RHOF: variants seen among roughly 807,000 people sequenced by gnomAD.
RHOF encodes rho-related GTP-binding protein RhoF.
A neutral mutation model predicts 22.2 loss-of-function variants in RHOF; 21 were observed. The observed-to-expected ratio is 0.95, with a 90% CI of 0.67 to 1.36. The LOEUF (loss-of-function observed/expected upper bound fraction) is 1.36, where lower values mean the gene tolerates loss of function less well. Among genes scored for constraint, RHOF ranks in the 40% most tolerant of loss-of-function variants. The probability of loss-of-function intolerance (pLI) is 0.00; values close to 1 mark genes in which losing one functional copy is unlikely to be tolerated. For missense variants in RHOF, 285 were observed against 293.7 expected (o/e 0.97, Z 0.22); for synonymous variants, 135 against 131.2 (o/e 1.03, Z -0.20).
chr12:121,781,467 T>C, intron 2 of RHOF: 1 of 393,574 alleles, frequency 2.5e-6, no homozygotes, highest in Non-Finnish European at 4.7e-6. Context: ...CGAGACCCTG[T>C]CTCTTAACAA....
intron 2 of RHOF, among the ~76,000 whole-genome samples, chr12:121,783,344 A>G (rs573014730): frequency 3.1e-5 from 4 of 128,708 alleles, no homozygotes; most frequent in East Asian, 2.4e-4. Flanking sequence ...TCTTTGAGAC[A>G]AGAGTCTCGC....
At chr12:121,790,285 C>T (rs893879727) in intron 2 of RHOF, among the ~76,000 whole-genome samples, 3 of 152,258 alleles carry the variant, frequency 2.0e-5, no homozygotes, top group Non-Finnish European at 2.9e-5. Flanking sequence ...GGCCACCAGT[C>T]GGGAAGATGC....
chr12:121,790,020 G>A (rs1392618315), intron 2 of RHOF, among the ~76,000 whole-genome samples: 4 of 152,220 alleles, frequency 2.6e-5, no homozygotes, highest in African/African-American at 9.6e-5. Flanking sequence ...GGATGTCAGG[G>A]CCCCGGTGAG....
intron 4 of RHOF, chr12:121,780,466 T>C (rs955741525): frequency 5.3e-5 from 17 of 321,878 alleles, no homozygotes; most frequent in South Asian, 3.9e-4. Flanking sequence ...GCACGGTCAA[T>C]TGGCCCGTGA....
chr12:121,784,711 A>T lies in RHOF; in HGVS notation c.227-3519T>A, dbSNP rs561811200. Among the ~76,000 whole-genome samples the T allele has an allele frequency of 2.6e-4, 40 of 152,294 alleles. No individual in the cohort carries two copies. The Middle Eastern group carries it at 0.01, about 39-fold the overall frequency. On this transcript the variant is annotated intron_variant, in intron 2 of 4. Transcript: ENST00000267205. The stretch of plus-strand genomic sequence containing the variant: ...GCCAGGAGTCAACCCCAGCTCATGA[A>T]ATTCCAAGTGGGATGTTCCTTCTGC...
intron 2 of RHOF, among the ~76,000 whole-genome samples, chr12:121,790,435 G>A (rs76749234): frequency 0.018 from 2,782 of 152,342 alleles, 108 homozygotes; most frequent in African/African-American, 0.063. Context: ...ATGGCTTTCT[G>A]TCCTGTTCTC....
chr12:121,789,737 T>C (rs1485013563), intron 2 of RHOF, among the ~76,000 whole-genome samples: 3 of 152,204 alleles, frequency 2.0e-5, no homozygotes, highest in African/African-American at 7.2e-5. Flanking sequence ...CCTCCGGTGC[T>C]TCTGGGGCTC....
intron 4 of RHOF, chr12:121,780,337 C>T (rs1475570735): frequency 1.9e-5 from 3 of 161,916 alleles, no homozygotes; most frequent in South Asian, 1.8e-4. Flanking sequence ...GGATTACAGG[C>T]GTGAGCCACT....
In RHOF at chr12:121,793,190, C is replaced by T; in HGVS notation, c.188G>A (p.Gly63Asp). ...FEKYTASVTV[G>D]SKEVTLNLYD... is the part of the protein sequence containing the mutation. Reference sequence around the variant, plus strand: ...GAGGTTCAGGGTCACCTCCTTGCTGCCAACGGTCACGCTGGCCGTGTACTT... The same window carrying T: ...GAGGTTCAGGGTCACCTCCTTGCTGTCAACGGTCACGCTGGCCGTGTACTT... Residue 63 changes from glycine to aspartate, a missense_variant, in exon 2 of 5, where the codon GGC becomes GAC. By Grantham distance (94) the Gly-to-Asp change is moderately conservative (BLOSUM62 -1). Transcript: ENST00000267205. The T allele has an allele frequency of 6.4e-7, 1 of 1,550,862 alleles. No individual in the cohort carries two copies. Among genetic ancestry groups the T allele is most frequent in the Non-Finnish European group, 8.7e-7 (1 of 1,146,852 alleles).
In RHOF at chr12:121,777,936, G is replaced by T. The variant is rs1331880329; in HGVS notation, c.*1562C>A. Reference sequence around the variant, plus strand: ...TTGGGAACCTGGGTGGGTTGGGGAGGGTCTCAGAAGGCTCCTTCCTTTGGC... The same window carrying T: ...TTGGGAACCTGGGTGGGTTGGGGAGTGTCTCAGAAGGCTCCTTCCTTTGGC... On this transcript the variant is annotated 3_prime_UTR_variant, in exon 5 of 5. Transcript: ENST00000267205. 1 of 152,168 alleles carries T rather than the reference G, an allele frequency of 6.6e-6. No homozygotes were observed. Among genetic ancestry groups the T allele is most frequent in the Non-Finnish European group, 1.5e-5 (1 of 68,050 alleles). The allele number at this position is 152,168 out of a possible 1,614,324, so 9.4% of individuals were successfully genotyped here.
intron 2 of RHOF, among the ~76,000 whole-genome samples, chr12:121,786,211 C>A (rs1199324489): frequency 6.6e-6 from 1 of 151,812 alleles, no homozygotes; most frequent in Admixed American, 6.6e-5. Flanking sequence ...TGAGCCACAG[C>A]ACCTGGCCTT....
intron 2 of RHOF, among the ~76,000 whole-genome samples, chr12:121,790,758 A>G (rs2137506633): frequency 6.6e-6 from 1 of 152,354 alleles, no homozygotes; most frequent in East Asian, 1.9e-4. Flanking sequence ...CAGGGAAGAT[A>G]GATCTCCCCG....
At position 121,779,258 on chromosome 12, in the gene RHOF, C is replaced by T. The variant is rs1235224507; in HGVS notation, c.*240G>A. 3.6e-6 allele frequency: 2 copies of T among 560,308 alleles called. No individual in the cohort carries two copies. Among genetic ancestry groups the T allele is most frequent in the Non-Finnish European group, 6.4e-6 (2 of 312,806 alleles). The allele number at this position is 560,308 out of a possible 1,614,324, so 34.7% of individuals were successfully genotyped here. A position where few individuals can be genotyped will look rare whatever the true frequency, so the allele number is the denominator to read the frequency against. ...CTGTGATGAGGGCACTTGCGAGTCC[C>T]GACAACAGACACTGGCTCCTGCACC... On this transcript the variant is annotated 3_prime_UTR_variant, in exon 5 of 5. Transcript: ENST00000267205.
intron 2 of RHOF, among the ~76,000 whole-genome samples, chr12:121,786,501 C>T (rs1053328229): frequency 1.1e-4 from 16 of 152,166 alleles, no homozygotes; most frequent in Admixed American, 2.0e-4. Context: ...AAGTCAGCCC[C>T]GGGGCGCTGG....
At chr12:121,788,513 G>A (rs1282247947) in intron 2 of RHOF, among the ~76,000 whole-genome samples, 5 of 152,142 alleles carry the variant, frequency 3.3e-5, no homozygotes, top group African/African-American at 9.7e-5. Context: ...CTACTTCCGT[G>A]TGCACCAACC....
chr12:121,781,057 G>GCCA (rs1304837487), intron 3 of RHOF, 26 bp downstream of exon 3: 2 of 1,613,856 alleles, frequency 1.2e-6, no homozygotes, highest in Admixed American at 1.7e-5. Context: ...CAGATGTGGG[G>GCCA]CCACCACCCA....
Position 121,779,263 on chromosome 12 carries a change from A to G in RHOF, c.*235T>C, listed in dbSNP as rs971179892. ...ATGAGGGCACTTGCGAGTCCCGACAACAGACACTGGCTCCTGCACCCACAT... is the reference window on the plus strand; with the variant it reads ...ATGAGGGCACTTGCGAGTCCCGACAGCAGACACTGGCTCCTGCACCCACAT... On this transcript the variant is annotated 3_prime_UTR_variant, in exon 5 of 5. Coordinates refer to ENST00000267205, the MANE Select transcript of RHOF (RefSeq NM_019034.3). 1.8e-5 allele frequency: 10 copies of G among 567,448 alleles called. No homozygotes were observed. Among genetic ancestry groups the G allele is most frequent in the African/African-American group, 1.7e-4 (9 of 53,264 alleles). The allele number at this position is 567,448 out of a possible 1,614,324, so 35.2% of individuals were successfully genotyped here. A position where few individuals can be genotyped will look rare whatever the true frequency, so the allele number is the denominator to read the frequency against.
At position 121,787,477 on chromosome 12, in the gene RHOF, C is replaced by T. The variant is rs563203961; in HGVS notation, c.226+5675G>A. ...AGTTCTTCCAGGAAGCTGTCCCCAG[C>T]CTTCCCAACCGGGAATTAACCTCTG... is the stretch of plus-strand genomic sequence containing the variant. On this transcript the variant is annotated intron_variant, in intron 2 of 4. Coordinates refer to ENST00000267205, the MANE Select transcript of RHOF (RefSeq NM_019034.3). 2.0e-5 allele frequency among the ~76,000 whole-genome samples: 3 copies of T among 152,322 alleles called. No homozygotes were observed. In the South Asian group the frequency reaches 6.2e-4, roughly 32 times the overall value.
chr12:121,789,183 T>C (rs1874695599), intron 2 of RHOF, among the ~76,000 whole-genome samples: 1 of 151,998 alleles, frequency 6.6e-6, no homozygotes, highest in African/African-American at 2.4e-5. Flanking sequence ...TGAGTTATGA[T>C]CATGCTATGG....
Sources: allele counts gnomAD v4.1 joint callset (sites outside exome capture counted in the v4.1 genomes callset), GRCh38; gene constraint gnomAD v4.1.1; transcripts MANE v1.5; gene names NCBI Gene and HGNC (gene_info 2026-07-23, HGNC 2026-07-21).